Variants in CYTH1 observed in about 807,000 individuals in gnomAD.
The protein encoded by CYTH1 is cytohesin-1.
A neutral mutation model predicts 61.8 loss-of-function variants in CYTH1; 18 were observed. The observed-to-expected ratio is 0.29, with a 90% confidence interval of 0.20 to 0.43. The LOEUF is 0.43. Ranked by LOEUF, CYTH1 falls within the 20% of genes least tolerant of loss-of-function variation. CYTH1 has a pLI of 1.00. For missense variants in CYTH1, 336 were observed against 510.5 expected, an observed-to-expected ratio of 0.66 and a Z score of 3.29; for synonymous variants, 174 against 184.3, an observed-to-expected ratio of 0.94 and a Z score of 0.45.
intron 1 of CYTH1, among the ~76,000 whole-genome samples, chr17:78,766,711 C>T (rs917816623): frequency 2.6e-5 from 4 of 151,704 alleles, no homozygotes; most frequent in African/African-American, 7.3e-5. Context: ...GAAGAAAGAA[C>T]GTTTAGAAAG....
At chr17:78,712,656 C>G (rs2144453679) in intron 1 of CYTH1, among the ~76,000 whole-genome samples, 1 of 151,464 alleles carries the variant, frequency 6.6e-6, no homozygotes, top group Non-Finnish European at 1.5e-5. Flanking sequence ...AACTCTGTCT[C>G]AAAAATAATA....
intron 1 of CYTH1, among the ~76,000 whole-genome samples, chr17:78,747,145 C>CAAAAAAAAAAAAAAAA (rs56201341): frequency 1.7e-5 from 1 of 57,832 alleles, no homozygotes; most frequent in Non-Finnish European, 3.0e-5. Context: ...ATGGCAGCGC[C>CAAAAAAAAAAAAAAAA]AAAAAAAAAA....
At chr17:78,686,932 C>T (rs950923531) in intron 11 of CYTH1, among the ~76,000 whole-genome samples, 2 of 152,026 alleles carry the variant, frequency 1.3e-5, no homozygotes, top group African/African-American at 2.4e-5. Flanking sequence ...CAGGCATGTG[C>T]CACCACACTT....
intron 1 of CYTH1, among the ~76,000 whole-genome samples, chr17:78,751,203 C>T (rs1314901093): frequency 6.6e-6 from 1 of 151,924 alleles, no homozygotes; most frequent in African/African-American, 2.4e-5. Flanking sequence ...GGTCTCAAAC[C>T]CCTGGGCTCA....
chr17:78,698,149 G>GCA, intron 9 of CYTH1, 120 bp downstream of exon 9: 1 of 822,010 alleles, frequency 1.2e-6, no homozygotes, highest in Non-Finnish European at 2.1e-6. Context: ...ACACGCACGC[G>GCA]CACACATGCA....
chr17:78,710,025 T>A (rs2093112089), intron 1 of CYTH1, among the ~76,000 whole-genome samples: 1 of 152,224 alleles, frequency 6.6e-6, no homozygotes, highest in African/African-American at 2.4e-5. Context: ...GAATATTAGC[T>A]GAGCGCCTGG....
At chr17:78,723,032 G>C (rs760344213) in intron 1 of CYTH1, among the ~76,000 whole-genome samples, 3 of 152,186 alleles carry the variant, frequency 2.0e-5, no homozygotes, top group Non-Finnish European at 4.4e-5. Flanking sequence ...ATCCAAAAGT[G>C]TAGTGGAAAA....
chr17:78,762,788 G>A (rs2093433956), intron 1 of CYTH1, among the ~76,000 whole-genome samples: 1 of 152,194 alleles, frequency 6.6e-6, no homozygotes, highest in Admixed American at 6.5e-5. Flanking sequence ...GGAGCTAAGA[G>A]CCAAGGAGTG....
chr17:78,718,158 G>A (rs2093197942), intron 1 of CYTH1, among the ~76,000 whole-genome samples: 1 of 151,170 alleles, frequency 6.6e-6, no homozygotes. Flanking sequence ...GCCAACGGGT[G>A]CCCTCCTGCT....
chr17:78,743,242 C>T (rs999924109), intron 1 of CYTH1, among the ~76,000 whole-genome samples: 1 of 152,162 alleles, frequency 6.6e-6, no homozygotes, highest in Non-Finnish European at 1.5e-5. Flanking sequence ...CAATCATTAT[C>T]TCTGGGCGGT....
intron 1 of CYTH1, among the ~76,000 whole-genome samples, chr17:78,773,519 C>T (rs1479137530): frequency 1.3e-5 from 2 of 151,686 alleles, no homozygotes; most frequent in Non-Finnish European, 2.9e-5. Context: ...AATTCCGCTA[C>T]TCAGGAGGCT....
intron 1 of CYTH1, among the ~76,000 whole-genome samples, chr17:78,780,488 C>T (rs1451606532): frequency 6.6e-6 from 1 of 152,192 alleles, no homozygotes; most frequent in Non-Finnish European, 1.5e-5. Flanking sequence ...TGCACTCCAG[C>T]CTGCGCAAGA....
At position 78,778,637 on chromosome 17, in the gene CYTH1, C is replaced by CAA. The variant is rs71309108; in HGVS notation, c.22+3563_22+3564dup. Among the ~76,000 whole-genome samples the CAA allele has an allele frequency of 4.0e-3, 257 of 63,920 alleles. 3 individuals carry two copies. The highest frequency in any genetic ancestry group is 0.01 in the African/African-American group (150 of 14,674). The allele number at this position is 63,920 out of a possible 152,430, so 41.9% of individuals were successfully genotyped here. On this transcript the variant is annotated intron_variant, in intron 1 of 13. Transcript: ENST00000446868. The stretch of plus-strand genomic sequence containing the variant: ...TGGGCAACACAGTGAGACTCCATCT[C>CAA]AAAAAAAAAAAAAAAAAAAAAAAAG...
At chr17:78,703,442 C>T (rs1447806633) in intron 3 of CYTH1, among the ~76,000 whole-genome samples, 2 of 144,858 alleles carry the variant, frequency 1.4e-5, no homozygotes, top group Non-Finnish European at 3.0e-5. Flanking sequence ...AAAACTTTAT[C>T]AGGGTATAAT....
chr17:78,688,206 T>C (rs908587736), intron 11 of CYTH1, among the ~76,000 whole-genome samples: 1 of 152,174 alleles, frequency 6.6e-6, no homozygotes, highest in African/African-American at 2.4e-5. Context: ...GCTCCATCCA[T>C]GCATATAACA....
chr17:78,678,681 T>G (rs1448482786), intron 13 of CYTH1, among the ~76,000 whole-genome samples: 26 of 152,308 alleles, frequency 1.7e-4, no homozygotes. Context: ...GAAAACACCG[T>G]GGCACCGCGT....
At chr17:78,698,478 A>T in intron 8 of CYTH1, 98 bp from the exon 9 acceptor site, 1 of 977,886 alleles carries the variant, frequency 1.0e-6, no homozygotes, top group East Asian at 2.4e-5. Flanking sequence ...ATGTGCCTAT[A>T]GTAAGCCAAG....
chr17:78,747,201 G>A (rs2144659472), intron 1 of CYTH1, among the ~76,000 whole-genome samples: 1 of 150,528 alleles, frequency 6.6e-6, no homozygotes, highest in Admixed American at 6.6e-5. Flanking sequence ...TAAGGATCAG[G>A]CTCTGAAGGC....
intron 1 of CYTH1, among the ~76,000 whole-genome samples, chr17:78,769,733 C>T (rs914500925): frequency 2.6e-5 from 4 of 152,262 alleles, no homozygotes; most frequent in Non-Finnish European, 5.9e-5. Flanking sequence ...AACCAATCTG[C>T]GAGCCGGATG....
Sources: gnomAD v4.1 joint callset for allele counts (sites outside exome capture counted in the v4.1 genomes callset) on GRCh38, gnomAD v4.1.1 for gene constraint, MANE v1.5 for transcripts, NCBI Gene and HGNC (gene_info 2026-07-23, HGNC 2026-07-21) for gene names.